ATF7IP: variants seen among roughly 807,000 people sequenced by gnomAD.
ATF7IP encodes the protein activating transcription factor 7-interacting protein 1.
A neutral mutation model predicts 106.4 loss-of-function variants in ATF7IP; 23 were observed. The ratio of observed to expected loss-of-function variants is 0.22; its 90% confidence interval spans 0.16 to 0.31. ATF7IP has a LOEUF of 0.31. Ranked by LOEUF, ATF7IP falls within the 10% of genes least tolerant of loss-of-function variation. ATF7IP has a pLI of 1.00. For synonymous variants in ATF7IP, 542 were observed against 539.0 expected, an observed-to-expected ratio of 1.01 and a Z score of -0.08; for missense variants, 1,334 against 1,524.3, an observed-to-expected ratio of 0.88 and a Z score of 2.08.
rs1382258005 is a variant in ATF7IP, at chr12:14,498,097, T to G, written c.*24T>G. 6.5e-7 allele frequency: 1 copy of G among 1,527,638 alleles called. No homozygotes were observed. The highest frequency in any genetic ancestry group is 8.8e-7 in the Non-Finnish European group (1 of 1,137,414). 94.6% of individuals were successfully genotyped at this position (1,527,638 alleles called of 1,614,324 possible). Reference sequence around the variant, plus strand: ...AAACCTTGGAGCCTTTATATTTTCCTCTTTTAAAATTTCCACCTTTTGGTC... The same window carrying G: ...AAACCTTGGAGCCTTTATATTTTCCGCTTTTAAAATTTCCACCTTTTGGTC... On this transcript the variant is annotated 3_prime_UTR_variant, in exon 15 of 15. Transcript: ENST00000261168.
intron 13 of ATF7IP, among the ~76,000 whole-genome samples, chr12:14,488,879 TAAAG>T (rs1387390572): frequency 1.3e-5 from 2 of 152,188 alleles, no homozygotes; most frequent in South Asian, 2.1e-4. Context: ...GAAAAGGAAA[TAAAG>T]ACATTTTGTT....
intron 3 of ATF7IP, 59 bp downstream of exon 3, chr12:14,434,482 A>G (rs1942304380): frequency 9.4e-7 from 1 of 1,063,824 alleles, no homozygotes; most frequent in Non-Finnish European, 1.4e-6. Context: ...CTGTTTCTAT[A>G]TTTACAACCG....
chr12:14,429,241 T>G (rs1395578608), intron 2 of ATF7IP, among the ~76,000 whole-genome samples: 1 of 152,168 alleles, frequency 6.6e-6, no homozygotes, highest in African/African-American at 2.4e-5. Context: ...ACATCTTTTC[T>G]TTGTCTTATC....
At chr12:14,366,430 T>C (rs1031928354) in intron 1 of ATF7IP, among the ~76,000 whole-genome samples, 5 of 152,238 alleles carry the variant, frequency 3.3e-5, no homozygotes, top group African/African-American at 4.8e-5. Context: ...TGTTCTGTTA[T>C]GGATGTGTGG....
At chr12:14,410,692 T>C (rs1002867007) in intron 1 of ATF7IP, among the ~76,000 whole-genome samples, 1 of 152,222 alleles carries the variant, frequency 6.6e-6, no homozygotes, top group African/African-American at 2.4e-5. Context: ...ATAATTGTTC[T>C]ATTTTATTAT....
At chr12:14,386,278 A>T (rs1049769232) in intron 1 of ATF7IP, among the ~76,000 whole-genome samples, 2 of 152,134 alleles carry the variant, frequency 1.3e-5, no homozygotes. Context: ...GTTTATTGAG[A>T]TACTGTAAGT....
chr12:14,378,715 A>T (rs1007555322), intron 1 of ATF7IP, among the ~76,000 whole-genome samples: 1 of 152,202 alleles, frequency 6.6e-6, no homozygotes, highest in Non-Finnish European at 1.5e-5. Flanking sequence ...GTACAACATA[A>T]TCATGAAAAT....
At chr12:14,494,932 C>CAAAAAAAAAAAAA (rs34929652) in intron 13 of ATF7IP, among the ~76,000 whole-genome samples, 1 of 79,144 alleles carries the variant, frequency 1.3e-5, no homozygotes, top group Non-Finnish European at 2.4e-5. Context: ...GACTCTGTCT[C>CAAAAAAAAAAAAA]AAAAAAAAAA....
chr12:14,480,900 T>C (rs1030754779), intron 12 of ATF7IP, 103 bp from the exon 13 acceptor site: 27 of 1,004,390 alleles, frequency 2.7e-5, no homozygotes, highest in Non-Finnish European at 4.0e-5. Flanking sequence ...GTTTCTGTCT[T>C]TATTAGTTAA....
intron 12 of ATF7IP, among the ~76,000 whole-genome samples, chr12:14,479,138 A>G (rs1384266653): frequency 6.6e-6 from 1 of 152,206 alleles, no homozygotes; most frequent in Admixed American, 6.5e-5. Flanking sequence ...AAAAATTAGC[A>G]GATTTGTCAT....
rs1409123142 is a variant in ATF7IP at position 14,497,708 on chromosome 12, C to T, written c.3448C>T (p.Arg1150Cys). ...APLPEAPQPQ[R>C]LPPEAASTSL... is the part of the protein sequence containing the mutation. ...CTTACCAGAAGCTCCACAACCACAG[C>T]GTCTGCCCCCAGAAGCTGCCAGCAC... Residue 1150 changes from arginine (R) to cysteine (C), a missense_variant, in exon 15 of 15, where the codon CGT (arginine) becomes TGT (cysteine). Physicochemically the swap from Arg to Cys is radical, Grantham distance 180 (BLOSUM62 -3). This residue lies in a region of ATF7IP where 80 missense variants were observed against 157.0 expected (regional missense o/e 0.51). Coordinates refer to ENST00000261168, the MANE Select transcript of ATF7IP (RefSeq NM_018179.5). 5.6e-6 allele frequency: 9 copies of T among 1,614,060 alleles called. No homozygotes were observed. The highest frequency in any genetic ancestry group is 2.2e-5 in the East Asian group (1 of 44,888).
chr12:14,428,741 A>G (rs1941986543), intron 2 of ATF7IP, among the ~76,000 whole-genome samples: 1 of 152,222 alleles, frequency 6.6e-6, no homozygotes, highest in South Asian at 2.1e-4. Context: ...TGTTGAGCAA[A>G]TATGTTTTAA....
At chr12:14,378,100 C>CTTT (rs59879512) in intron 1 of ATF7IP, among the ~76,000 whole-genome samples, 32 of 137,888 alleles carry the variant, frequency 2.3e-4, no homozygotes, top group African/African-American at 6.0e-4. Context: ...TTTTCTTTTT[C>CTTT]TTTTTTTTTT....
chr12:14,455,244 G>T (rs1305968308), intron 6 of ATF7IP, among the ~76,000 whole-genome samples: 1 of 150,118 alleles, frequency 6.7e-6, no homozygotes, highest in Non-Finnish European at 1.5e-5. Context: ...TTCCCTAAAA[G>T]CTTTTCTTTT....
At chr12:14,366,092 T>C (rs1938279800) in intron 1 of ATF7IP, among the ~76,000 whole-genome samples, 1 of 152,258 alleles carries the variant, frequency 6.6e-6, no homozygotes, top group Admixed American at 6.5e-5. Flanking sequence ...ATTTGGGTTC[T>C]AGATTTAATT....
At chr12:14,423,574 C>CTTT in intron 1 of ATF7IP, among the ~76,000 whole-genome samples, 23 of 34,358 alleles carry the variant, frequency 6.7e-4, no homozygotes, top group Non-Finnish European at 9.6e-4. Context: ...TCTTCAGGTA[C>CTTT]TTTTTTTTTT....
chr12:14,483,472 T>TA (rs1163458577), intron 13 of ATF7IP, among the ~76,000 whole-genome samples: 2 of 152,178 alleles, frequency 1.3e-5, no homozygotes, highest in Non-Finnish European at 2.9e-5. Flanking sequence ...GTGGCAATCT[T>TA]AAGTTCCAGT....
chr12:14,400,703 TTGC>T (rs1278340262), intron 1 of ATF7IP, among the ~76,000 whole-genome samples: 2 of 152,202 alleles, frequency 1.3e-5, no homozygotes, highest in African/African-American at 4.8e-5. Flanking sequence ...TAAAGGTCCT[TTGC>T]TGTGTCAAAA....
At chr12:14,456,242 G>A (rs1489889662) in intron 6 of ATF7IP, among the ~76,000 whole-genome samples, 1 of 152,102 alleles carries the variant, frequency 6.6e-6, no homozygotes, top group Non-Finnish European at 1.5e-5. Flanking sequence ...TATTGTTAAT[G>A]TTTTTTAAAC....
Sources: gnomAD v4.1 joint callset for allele counts (sites outside exome capture counted in the v4.1 genomes callset) on GRCh38, gnomAD v4.1.1 for gene constraint, gnomAD v4.1.1 regional missense constraint, MANE v1.5 for transcripts, NCBI Gene and HGNC (gene_info 2026-07-23, HGNC 2026-07-21) for gene names.